Variants in PTPRG observed in about 807,000 individuals in gnomAD.
The protein encoded by PTPRG is receptor-type tyrosine-protein phosphatase gamma.
A neutral mutation model predicts 165.3 loss-of-function variants in PTPRG; 102 were observed. The observed-to-expected ratio is 0.62, with a 90% CI of 0.53 to 0.73. The LOEUF is 0.73. Among genes scored for constraint, PTPRG ranks in the 30% least tolerant of loss-of-function variants. PTPRG has a pLI of 0.00. For missense variants in PTPRG, 1,866 were observed against 1,861.4 expected (o/e 1.00, Z -0.05); for synonymous variants, 675 against 669.5 (o/e 1.01, Z -0.13).
chr3:61,927,247 C>T (rs1328465143), intron 2 of PTPRG, among the ~76,000 whole-genome samples: 1 of 152,178 alleles, frequency 6.6e-6, no homozygotes, highest in Non-Finnish European at 1.5e-5. Flanking sequence ...CTGAGGGCTT[C>T]CCTGGGAAAT....
At position 62,105,236 on chromosome 3, in the gene PTPRG, G is replaced by A. The variant is rs567276856; in HGVS notation, c.615+26978G>A. Among the ~76,000 whole-genome samples, 5 of 152,294 alleles carry A rather than the reference G, an allele frequency of 3.3e-5. No individual in the cohort carries two copies. The East Asian group carries it at 9.7e-4, about 29-fold the overall frequency. The stretch of plus-strand genomic sequence containing the variant: ...ATAACATGTTTTAGTCATTGTCAGT[G>A]GGAAAATTGGTTGTATTTCCAGGGC... On this transcript the variant is annotated intron_variant, in intron 5 of 29. Coordinates refer to ENST00000474889, the MANE Select transcript of PTPRG (RefSeq NM_002841.4).
intron 2 of PTPRG, among the ~76,000 whole-genome samples, chr3:61,759,397 G>A (rs1035092807): frequency 2.0e-5 from 3 of 152,098 alleles, no homozygotes; most frequent in Non-Finnish European, 4.4e-5. Context: ...GCTCACACCT[G>A]TAATCTCAAC....
chr3:61,616,933 G>A (rs1575540419), intron 1 of PTPRG, among the ~76,000 whole-genome samples: 2 of 152,118 alleles, frequency 1.3e-5, no homozygotes, highest in South Asian at 2.1e-4. Context: ...CATCGATGCC[G>A]GAAGATAACA....
intron 1 of PTPRG, among the ~76,000 whole-genome samples, chr3:61,621,369 C>T (rs929102675): frequency 3.9e-5 from 6 of 152,076 alleles, no homozygotes; most frequent in South Asian, 4.1e-4. Context: ...TTACTGATTA[C>T]GTGGTATGTG....
chr3:62,282,504 C>T (rs976177699), intron 27 of PTPRG, among the ~76,000 whole-genome samples: 1 of 149,994 alleles, frequency 6.7e-6, no homozygotes, highest in African/African-American at 2.4e-5. Context: ...TACTGAATTA[C>T]AGGCATGAAC....
At chr3:61,574,164 A>G (rs1700125789) in intron 1 of PTPRG, among the ~76,000 whole-genome samples, 1 of 152,202 alleles carries the variant, frequency 6.6e-6, no homozygotes, top group African/African-American at 2.4e-5. Context: ...TGTTCCAGAA[A>G]CAGTGAATGA....
chr3:62,089,033 T>A (rs1701844536), intron 5 of PTPRG, among the ~76,000 whole-genome samples: 1 of 152,218 alleles, frequency 6.6e-6, no homozygotes, highest in East Asian at 1.9e-4. Flanking sequence ...TCTCTTTTGA[T>A]TTTGTTGTTC....
chr3:61,599,896 C>T (rs886925557), intron 1 of PTPRG, among the ~76,000 whole-genome samples: 66 of 152,036 alleles, frequency 4.3e-4, no homozygotes, highest in Admixed American at 1.3e-3. Flanking sequence ...GGGTGGCCCA[C>T]GCCTGTAATC....
chr3:62,207,216 A>G (rs1275430787), intron 12 of PTPRG, among the ~76,000 whole-genome samples: 2 of 152,222 alleles, frequency 1.3e-5, no homozygotes, highest in Non-Finnish European at 2.9e-5. Flanking sequence ...ACCATAGACA[A>G]TACACAGCTG....
intron 12 of PTPRG, among the ~76,000 whole-genome samples, chr3:62,218,119 G>T (rs553825875): frequency 2.6e-5 from 4 of 152,256 alleles, no homozygotes; most frequent in African/African-American, 9.6e-5. Context: ...GGAGCCCACG[G>T]ACAGAAGCAC....
intron 2 of PTPRG, among the ~76,000 whole-genome samples, chr3:61,887,700 A>G (rs1477113446): frequency 6.9e-6 from 1 of 145,548 alleles, no homozygotes; most frequent in African/African-American, 2.7e-5. Flanking sequence ...TTGATTATGG[A>G]TGATGGCTTT....
intron 5 of PTPRG, among the ~76,000 whole-genome samples, chr3:62,119,973 C>T (rs1455177517): frequency 6.6e-6 from 1 of 152,034 alleles, no homozygotes; most frequent in African/African-American, 2.4e-5. Flanking sequence ...CAGTGGTTCT[C>T]ATCCCTGCCT....
chr3:62,083,469 T>C (rs772660196), intron 5 of PTPRG, among the ~76,000 whole-genome samples: 1 of 152,224 alleles, frequency 6.6e-6, no homozygotes, highest in African/African-American at 2.4e-5. Context: ...TTTCAAAATA[T>C]TGTGTGATTC....
At chr3:61,902,906 A>G (rs118153859) in intron 2 of PTPRG, among the ~76,000 whole-genome samples, 2 of 152,256 alleles carry the variant, frequency 1.3e-5, no homozygotes, top group East Asian at 3.9e-4. Context: ...GGGACCTGCC[A>G]TCTTGGTAAC....
Position 62,267,357 on chromosome 3 carries a change from C to T in PTPRG, c.2657-53C>T, listed in dbSNP as rs1163377884. On this transcript the variant is annotated intron_variant, in intron 17 of 29. Coordinates refer to ENST00000474889, the MANE Select transcript of PTPRG (RefSeq NM_002841.4). ...CCTTGTGTTGTGCTTTAGAATGGTGCTAGTTTCTGAATTATCCATTTTATT... is the reference window on the plus strand; with the variant it reads ...CCTTGTGTTGTGCTTTAGAATGGTGTTAGTTTCTGAATTATCCATTTTATT... 7 of 1,309,944 alleles carry T rather than the reference C, an allele frequency of 5.3e-6. No individual in the cohort carries two copies. The African/African-American group carries it at 7.4e-5, about 14-fold the overall frequency. The allele number at this position is 1,309,944 out of a possible 1,614,324, so 81.1% of individuals were successfully genotyped here.
intron 1 of PTPRG, among the ~76,000 whole-genome samples, chr3:61,625,393 CTT>C (rs1328294008): frequency 3.9e-5 from 6 of 152,092 alleles, no homozygotes; most frequent in African/African-American, 1.2e-4. Context: ...GTATAAATGA[CTT>C]TTAACTTTCA....
intron 5 of PTPRG, among the ~76,000 whole-genome samples, chr3:62,088,922 A>G (rs931375073): frequency 6.6e-6 from 1 of 152,184 alleles, no homozygotes; most frequent in Non-Finnish European, 1.5e-5. Context: ...TCTTTTTACT[A>G]TCTGGCCATC....
At chr3:62,289,058 G>C (rs961864596) in intron 28 of PTPRG, among the ~76,000 whole-genome samples, 1 of 152,164 alleles carries the variant, frequency 6.6e-6, no homozygotes, top group Non-Finnish European at 1.5e-5. Flanking sequence ...ATGGTATGTG[G>C]TGTGTGCCAA....
At chr3:62,062,456 G>C (rs886963680) in intron 4 of PTPRG, among the ~76,000 whole-genome samples, 1 of 152,072 alleles carries the variant, frequency 6.6e-6, no homozygotes, top group African/African-American at 2.4e-5. Context: ...AATGCTTTTA[G>C]TTAATAAAAT....
Sources: allele counts gnomAD v4.1 joint callset (sites outside exome capture counted in the v4.1 genomes callset), GRCh38; gene constraint gnomAD v4.1.1; transcripts MANE v1.5; gene names NCBI Gene and HGNC (gene_info 2026-07-23, HGNC 2026-07-21).